EDAR: variants seen among roughly 807,000 people sequenced by gnomAD.
EDAR encodes tumor necrosis factor receptor superfamily member EDAR.
EDAR carries 38 observed loss-of-function variants against 51.3 expected under a neutral mutation model. The observed-to-expected ratio is 0.74, with a 90% CI of 0.57 to 0.97. The LOEUF (loss-of-function observed/expected upper bound fraction) is 0.97. Among genes scored for constraint, EDAR ranks in the 50% least tolerant of loss-of-function variants. The probability of loss-of-function intolerance (pLI) is 0.00; values close to 1 mark genes in which losing one functional copy is unlikely to be tolerated. For missense variants in EDAR, 528 were observed against 595.0 expected, an observed-to-expected ratio of 0.89 and a Z score of 1.17; for synonymous variants, 227 against 242.1, an observed-to-expected ratio of 0.94 and a Z score of 0.58.
In EDAR at chr2:108,923,514, C is replaced by A. The variant is rs1051233793; in HGVS notation, c.357-61G>T. 10 of 1,528,898 alleles carry A rather than the reference C, an allele frequency of 6.5e-6. No homozygotes were observed. In the African/African-American group the frequency reaches 1.4e-4, roughly 21 times the overall value. The allele number at this position is 1,528,898 out of a possible 1,614,324, so 94.7% of individuals were successfully genotyped here. A position where few individuals can be genotyped will look rare whatever the true frequency, so the allele number is the denominator to read the frequency against. On this transcript the variant is annotated intron_variant, in intron 4 of 11. Transcript: ENST00000258443. ...GAGCTGGACAGCACACAGGCAGGGA[C>A]TGGTGCAGAGAGCACGGTGGCCAGT...
At chr2:108,953,986 T>A (rs1027335255) in intron 1 of EDAR, among the ~76,000 whole-genome samples, 5 of 152,218 alleles carry the variant, frequency 3.3e-5, no homozygotes, top group African/African-American at 1.2e-4. Flanking sequence ...TGGTTGCTCC[T>A]GAAAGGCATG....
intron 1 of EDAR, among the ~76,000 whole-genome samples, chr2:108,942,157 C>T (rs528488345): frequency 2.6e-5 from 4 of 152,236 alleles, no homozygotes; most frequent in South Asian, 2.1e-4. Context: ...GCCTATCCAG[C>T]GCCAGACGTG....
chr2:108,895,076 A>G lies in EDAR; in HGVS notation c.*1831T>C, dbSNP rs541552562. The G allele has an allele frequency of 5.2e-5, 8 of 152,664 alleles. No homozygotes were observed. The highest frequency in any genetic ancestry group is 1.7e-4 in the African/African-American group (7 of 41,430). The allele number at this position is 152,664 out of a possible 1,614,324, so 9.5% of individuals were successfully genotyped here. A position where few individuals can be genotyped will look rare whatever the true frequency, so the allele number is the denominator to read the frequency against. On this transcript the variant is annotated 3_prime_UTR_variant, in exon 12 of 12. Transcript: ENST00000258443. Reference sequence around the variant, plus strand: ...CCACAGGATTTCAAAGAGGAATTAAAAGGATAATTAAGCTCTGCCGTGGAG... The same window carrying G: ...CCACAGGATTTCAAAGAGGAATTAAGAGGATAATTAAGCTCTGCCGTGGAG...
intron 1 of EDAR, among the ~76,000 whole-genome samples, chr2:108,958,578 G>A (rs1172701098): frequency 6.6e-6 from 1 of 152,112 alleles, no homozygotes; most frequent in Non-Finnish European, 1.5e-5. Flanking sequence ...AGGACGGTGG[G>A]AGGGCACCCC....
At chr2:108,944,079 ACT>A (rs1331423484) in intron 1 of EDAR, among the ~76,000 whole-genome samples, 24 of 151,966 alleles carry the variant, frequency 1.6e-4, no homozygotes, top group African/African-American at 5.8e-4. Context: ...AGGAGCAAAC[ACT>A]CTGTTCCTGT....
intron 9 of EDAR, 46 bp from the exon 10 acceptor site, chr2:108,908,065 G>A: frequency 6.4e-7 from 1 of 1,559,356 alleles, no homozygotes; most frequent in South Asian, 1.2e-5. Flanking sequence ...TGGGGGGGCT[G>A]CAGCCCTGAC....
chr2:108,933,810 G>A lies in EDAR; in HGVS notation c.-18-2778C>T, dbSNP rs534935687. Among the ~76,000 whole-genome samples the A allele has an allele frequency of 1.6e-3, 251 of 152,154 alleles. 1 individual carries two copies. Among genetic ancestry groups the A allele is most frequent in the African/African-American group, 5.9e-3 (243 of 41,518 alleles). ...GGCAAGGGCGACCTGCAGCCCGTCAGGTGGGGGAGGGTTGGGTGCAAGCAA... is the reference window on the plus strand; with the variant it reads ...GGCAAGGGCGACCTGCAGCCCGTCAAGTGGGGGAGGGTTGGGTGCAAGCAA... On this transcript the variant is annotated intron_variant, in intron 1 of 11. Coordinates refer to ENST00000258443, the MANE Select transcript of EDAR (RefSeq NM_022336.4).
chr2:108,962,882 C>T (rs112317395), intron 1 of EDAR, among the ~76,000 whole-genome samples: 1 of 152,056 alleles, frequency 6.6e-6, no homozygotes, highest in East Asian at 1.9e-4. Context: ...ATGGTTTTGT[C>T]AAAGATCTAC....
At chr2:108,988,798 C>T (rs1320684571) in intron 1 of EDAR, among the ~76,000 whole-genome samples, 162 bp downstream of exon 1, 1 of 152,210 alleles carries the variant, frequency 6.6e-6, no homozygotes, top group Non-Finnish European at 1.5e-5. Context: ...GGTCTTAGAA[C>T]TGGTAGCGCA....
At position 108,910,818 on chromosome 2, in the gene EDAR, C is replaced by T. The variant is rs200521015; in HGVS notation, c.688G>A (p.Glu230Lys). 6 of 1,613,918 alleles carry T rather than the reference C, an allele frequency of 3.7e-6. No homozygotes were observed. In the East Asian group the frequency reaches 1.1e-4, roughly 30 times the overall value. The change falls in exon 8 of 12, where the codon GAG becomes AAG. Residue 230 changes from glutamate to lysine, a missense_variant. Transcript: ENST00000258443. Reference protein sequence around the residue: ...CCTSHPGKSVEAQVSKDEEKK... With the variant: ...CCTSHPGKSVKAQVSKDEEKK... ...TCCTCGTCCTTGCTCACTTGGGCCT[C>T]CACGCTCTTCCCCGGGTGGCTGGTG...
intron 10 of EDAR, among the ~76,000 whole-genome samples, chr2:108,907,488 T>C (rs1459773359): frequency 6.6e-6 from 1 of 151,638 alleles, no homozygotes; most frequent in Non-Finnish European, 1.5e-5. Context: ...TCTACTAAAA[T>C]ATAAAAAAAA....
chr2:108,901,534 C>T (rs1696697836), intron 11 of EDAR, among the ~76,000 whole-genome samples: 1 of 152,006 alleles, frequency 6.6e-6, no homozygotes, highest in Non-Finnish European at 1.5e-5. Flanking sequence ...TGAAAAGAGA[C>T]AGTTATTTGA....
intron 1 of EDAR, among the ~76,000 whole-genome samples, chr2:108,969,778 A>G (rs762440935): frequency 3.3e-5 from 5 of 152,248 alleles, no homozygotes; most frequent in Admixed American, 2.0e-4. Context: ...CTGGAAAGAC[A>G]GAAACATGTA....
chr2:108,942,248 G>C (rs1019243502), intron 1 of EDAR, among the ~76,000 whole-genome samples: 6 of 152,230 alleles, frequency 3.9e-5, no homozygotes, highest in Admixed American at 2.0e-4. Context: ...GCTCAGAGAG[G>C]GTGAGCGACT....
chr2:108,924,248 G>A (rs1436025939), intron 4 of EDAR, among the ~76,000 whole-genome samples: 1 of 152,208 alleles, frequency 6.6e-6, no homozygotes, highest in Non-Finnish European at 1.5e-5. Flanking sequence ...GACTGCTCAG[G>A]TCCTGCTCTC....
At chr2:108,952,538 C>G (rs260703) in intron 1 of EDAR, among the ~76,000 whole-genome samples, 45,377 of 152,168 alleles carry the variant, frequency 0.3, 10,744 homozygotes, top group East Asian at 0.94. Context: ...TTCAGATATA[C>G]TTTTCACTTC....
intron 1 of EDAR, among the ~76,000 whole-genome samples, chr2:108,935,127 A>G (rs1331176206): frequency 6.6e-6 from 1 of 152,140 alleles, no homozygotes; most frequent in Non-Finnish European, 1.5e-5. Context: ...CTTTACGGAA[A>G]AGGTCTGCCA....
In EDAR at chr2:108,980,414, A is replaced by T. The variant is rs146936863; in HGVS notation, c.-19+8546T>A. ...CGCCCTGCCGCTCACCTCAGCAGCAAGTCGTGATTTTAAACTAATACTTAT... is the reference window on the plus strand; with the variant it reads ...CGCCCTGCCGCTCACCTCAGCAGCATGTCGTGATTTTAAACTAATACTTAT... On this transcript the variant is annotated intron_variant, in intron 1 of 11. Coordinates refer to ENST00000258443, the MANE Select transcript of EDAR (RefSeq NM_022336.4). Among the ~76,000 whole-genome samples the T allele has an allele frequency of 2.8e-3, 420 of 152,260 alleles. 1 individual carries two copies. The highest frequency in any genetic ancestry group is 9.8e-3 in the African/African-American group (407 of 41,540).
intron 1 of EDAR, among the ~76,000 whole-genome samples, chr2:108,948,630 AGT>A (rs1697761686): frequency 1.3e-5 from 2 of 152,284 alleles, no homozygotes; most frequent in African/African-American, 4.8e-5. Flanking sequence ...AGAGAGAGAG[AGT>A]GAAGTGGGGA....
Sources: gnomAD v4.1 joint callset for allele counts (sites outside exome capture counted in the v4.1 genomes callset) on GRCh38, gnomAD v4.1.1 for gene constraint, MANE v1.5 for transcripts, NCBI Gene and HGNC (gene_info 2026-07-23, HGNC 2026-07-21) for gene names.